Variants in TLL2 observed in about 807,000 individuals in gnomAD.
TLL2 encodes tolloid like 2.
Under a neutral mutation model 123.0 loss-of-function variants are expected in TLL2, and 106 were observed. The ratio of observed to expected loss-of-function variants is 0.86; its 90% CI spans 0.74 to 1.01. TLL2 has a LOEUF of 1.01. TLL2 is among the 50% of genes least tolerant of loss of function. The pLI, the probability that TLL2 is intolerant of heterozygous loss-of-function variation, is 0.00. For synonymous variants in TLL2, 494 were observed against 516.8 expected (o/e 0.96, Z 0.60); for missense variants, 1,332 against 1,336.7 (o/e 1.00, Z 0.06).
Position 96,370,948 on chromosome 10 carries a change from T to G in TLL2, c.2663-633A>C, listed in dbSNP as rs182956946. On this transcript the variant is annotated intron_variant, in intron 19 of 20. Transcript: ENST00000357947. ...AGCCTTTGTTTCTGGGTTTTTTCAT[T>G]ATACAAGGACAGTAACTCTGGTTGG... is the stretch of plus-strand genomic sequence containing the variant. Among the ~76,000 whole-genome samples, 138 of 152,292 alleles carry G rather than the reference T, an allele frequency of 9.1e-4. 4 individuals carry two copies. The East Asian group carries it at 0.021, about 24-fold the overall frequency.
chr10:96,473,057 A>C lies in TLL2; in HGVS notation c.286+7292T>G, dbSNP rs954316261. Among the ~76,000 whole-genome samples the C allele has an allele frequency of 3.3e-5, 5 of 149,852 alleles. No individual in the cohort carries two copies. The East Asian group carries it at 1.0e-3, about 30-fold the overall frequency. On this transcript the variant is annotated intron_variant, in intron 2 of 20. Transcript: ENST00000357947. ...GAATGTGGTTCCATCAGCCCCCCCC[A>C]ATCAGATGGGAACACTGAGACCAGG...
At chr10:96,393,338 TC>T (rs764608629) in intron 13 of TLL2, among the ~76,000 whole-genome samples, 4 of 152,230 alleles carry the variant, frequency 2.6e-5, no homozygotes, top group Admixed American at 6.5e-5. Context: ...AATAACCACT[TC>T]AAAGATTCCT....
chr10:96,475,869 A>G (rs1030460988), intron 2 of TLL2, among the ~76,000 whole-genome samples: 3 of 152,056 alleles, frequency 2.0e-5, no homozygotes, highest in Admixed American at 6.5e-5. Flanking sequence ...TGCTGTTCTC[A>G]TGATAGTAAG....
At chr10:96,460,327 C>T (rs1271200461) in intron 2 of TLL2, among the ~76,000 whole-genome samples, 1 of 152,102 alleles carries the variant, frequency 6.6e-6, no homozygotes, top group Non-Finnish European at 1.5e-5. Context: ...TGTTTTTGTG[C>T]CCCCTCAAAA....
chr10:96,484,888 GAGGTCA>G (rs1416137843), intron 1 of TLL2, among the ~76,000 whole-genome samples: 3 of 152,140 alleles, frequency 2.0e-5, no homozygotes, highest in Admixed American at 6.5e-5. Context: ...TTTCCCCACA[GAGGTCA>G]AATATAGCTT....
intron 7 of TLL2, among the ~76,000 whole-genome samples, chr10:96,419,793 C>A (rs551311689): frequency 9.9e-5 from 15 of 152,180 alleles, no homozygotes; most frequent in Non-Finnish European, 1.8e-4. Context: ...GAGCCCCTGG[C>A]AAACAGTGTC....
intron 1 of TLL2, among the ~76,000 whole-genome samples, chr10:96,489,819 G>A (rs1295140575): frequency 2.6e-5 from 4 of 151,910 alleles, no homozygotes; most frequent in Admixed American, 2.0e-4. Flanking sequence ...TATCTCAGCC[G>A]GGTGCAGTGG....
At chr10:96,369,242 A>G (rs1456388943) in intron 20 of TLL2, among the ~76,000 whole-genome samples, 1 of 152,176 alleles carries the variant, frequency 6.6e-6, no homozygotes, top group Non-Finnish European at 1.5e-5. Context: ...CACCAACTAT[A>G]TGCCAAGCCC....
At chr10:96,476,105 A>G (rs1209773861) in intron 2 of TLL2, among the ~76,000 whole-genome samples, 2 of 151,174 alleles carry the variant, frequency 1.3e-5, no homozygotes, top group African/African-American at 4.9e-5. Context: ...AGACTAATAC[A>G]CAGAGGCACT....
At chr10:96,495,999 C>T (rs1431615695) in intron 1 of TLL2, among the ~76,000 whole-genome samples, 1 of 152,200 alleles carries the variant, frequency 6.6e-6, no homozygotes, top group Non-Finnish European at 1.5e-5. Flanking sequence ...ATTTGAAAGT[C>T]ATCTAAGCAA....
chr10:96,474,013 T>C (rs1378789966), intron 2 of TLL2, among the ~76,000 whole-genome samples: 3 of 152,140 alleles, frequency 2.0e-5, no homozygotes, highest in Admixed American at 6.5e-5. Flanking sequence ...TGTGTCTGTG[T>C]GTGTCTCCCA....
intron 2 of TLL2, among the ~76,000 whole-genome samples, chr10:96,479,911 C>A (rs1375255224): frequency 6.6e-6 from 1 of 152,206 alleles, no homozygotes; most frequent in Non-Finnish European, 1.5e-5. Context: ...TCCTACTCAC[C>A]CTTCAAGACA....
rs1316803813 is a variant in TLL2 at position 96,439,246 on chromosome 10, A to C, written c.365-6284T>G. Reference sequence around the variant, plus strand: ...CTCCCAAGTAGCTGGGGCTACAGACATGTGCACCCATGCCTAGCTGATTTT... The same window carrying C: ...CTCCCAAGTAGCTGGGGCTACAGACCTGTGCACCCATGCCTAGCTGATTTT... On this transcript the variant is annotated intron_variant, in intron 3 of 20. Transcript: ENST00000357947. 2.1e-5 allele frequency among the ~76,000 whole-genome samples: 3 copies of C among 142,328 alleles called. 1 individual carries two copies. Among genetic ancestry groups the C allele is most frequent in the Non-Finnish European group, 4.7e-5 (3 of 64,476 alleles). 93.4% of individuals were successfully genotyped at this position (142,328 alleles called of 152,430 possible).
chr10:96,384,444 G>A, intron 16 of TLL2, 143 bp downstream of exon 16: 2 of 768,084 alleles, frequency 2.6e-6, no homozygotes, highest in Non-Finnish European at 1.9e-6. Flanking sequence ...CCTGGATCTG[G>A]CACGCCCCCT....
chr10:96,504,968 G>A (rs1162330207), intron 1 of TLL2, among the ~76,000 whole-genome samples: 1 of 152,060 alleles, frequency 6.6e-6, no homozygotes, highest in East Asian at 1.9e-4. Flanking sequence ...AGATCGCACC[G>A]CTGCACTCCA....
In TLL2 at chr10:96,384,725, G is replaced by A; in HGVS notation, c.2056C>T (p.Pro686Ser). Residue 686 changes from proline (P) to serine (S), a missense_variant, in exon 16 of 21, where the codon CCC (proline) becomes TCC (serine). Physicochemically the swap from Pro to Ser is moderately conservative, Grantham distance 74 (BLOSUM62 -1). Coordinates refer to ENST00000357947, the MANE Select transcript of TLL2 (RefSeq NM_012465.4). ...DFVEVRSGLS[P>S]DAKLHGRFCG... ...AACCTGCCGTGCAGCTTGGCGTCGG[G>A]GGACAGGCCGCTGCGCACCTCTACA... 2 of 1,610,074 alleles carry A rather than the reference G, an allele frequency of 1.2e-6. No homozygotes were observed. Among genetic ancestry groups the A allele is most frequent in the Non-Finnish European group, 1.7e-6 (2 of 1,177,458 alleles).
chr10:96,440,239 G>GA (rs1387513714), intron 3 of TLL2, among the ~76,000 whole-genome samples: 3 of 152,248 alleles, frequency 2.0e-5, no homozygotes, highest in Non-Finnish European at 4.4e-5. Flanking sequence ...ATGAGGGCAA[G>GA]AAATGTTGCC....
chr10:96,385,828 T>C (rs1031905440), intron 15 of TLL2, among the ~76,000 whole-genome samples: 2 of 152,180 alleles, frequency 1.3e-5, no homozygotes, highest in African/African-American at 4.8e-5. Flanking sequence ...CTGATTCTCC[T>C]TGGATGTATC....
At chr10:96,393,153 C>T (rs541294572) in intron 13 of TLL2, among the ~76,000 whole-genome samples, 1 of 152,186 alleles carries the variant, frequency 6.6e-6, no homozygotes, top group Non-Finnish European at 1.5e-5. Flanking sequence ...GCCCTGCCAT[C>T]CCCTTGATTT....
Sources: gnomAD v4.1 joint callset for allele counts (sites outside exome capture counted in the v4.1 genomes callset) on GRCh38, gnomAD v4.1.1 for gene constraint, MANE v1.5 for transcripts, NCBI Gene and HGNC (gene_info 2026-07-23, HGNC 2026-07-21) for gene names.